Variants in ZBTB7C observed in about 807,000 individuals in gnomAD.
ZBTB7C encodes the protein zinc finger and BTB domain containing 7C.
A neutral mutation model predicts 25.7 loss-of-function variants in ZBTB7C; 8 were observed. The observed-to-expected ratio is 0.31, with a 90% CI of 0.18 to 0.56. The LOEUF (loss-of-function observed/expected upper bound fraction) is 0.56. Ranked by LOEUF, ZBTB7C falls within the 20% of genes least tolerant of loss-of-function variation. The pLI is 0.91. For missense variants in ZBTB7C, 824 were observed against 855.2 expected (o/e 0.96, Z 0.46); for synonymous variants, 394 against 369.0 (o/e 1.07, Z -0.78).
chr18:48,097,382 G>GTTGTTATTATTATTATTATTA (rs10651143), intron 3 of ZBTB7C, among the ~76,000 whole-genome samples: 64 of 144,974 alleles, frequency 4.4e-4, no homozygotes, highest in East Asian at 1.0e-3. Context: ...TATTGTTGTT[G>GTTGTTATTATTATTATTATTA]TTATTATTAT....
chr18:48,272,876 T>C (rs894282804), intron 2 of ZBTB7C, among the ~76,000 whole-genome samples: 1 of 152,196 alleles, frequency 6.6e-6, no homozygotes, highest in African/African-American at 2.4e-5. Flanking sequence ...GAAAACATTA[T>C]GCTAAGTGAA....
intron 2 of ZBTB7C, among the ~76,000 whole-genome samples, chr18:48,239,537 C>A (rs919780114): frequency 1.3e-5 from 2 of 152,184 alleles, no homozygotes; most frequent in African/African-American, 4.8e-5. Flanking sequence ...ATGAATCACA[C>A]CACAGGACTC....
chr18:48,350,126 C>A (rs2046831135), intron 1 of ZBTB7C, among the ~76,000 whole-genome samples: 1 of 152,194 alleles, frequency 6.6e-6, no homozygotes, highest in South Asian at 2.1e-4. Flanking sequence ...ACTGCTGTAA[C>A]AAATGGCCAC....
intron 4 of ZBTB7C, among the ~76,000 whole-genome samples, chr18:48,039,462 G>A (rs1285073216): frequency 6.6e-6 from 1 of 152,184 alleles, no homozygotes. Context: ...TGCCGAGGAC[G>A]GCCCCTGGCA....
chr18:48,169,642 A>G (rs2041396816), intron 3 of ZBTB7C: 1 of 152,320 alleles, frequency 6.6e-6, no homozygotes, highest in Non-Finnish European at 1.5e-5. Context: ...TATCAAGGGC[A>G]AATGGTGAGG....
chr18:48,389,385 A>AG (rs2047843856), intron 1 of ZBTB7C, among the ~76,000 whole-genome samples: 1 of 139,208 alleles, frequency 7.2e-6, no homozygotes, highest in Non-Finnish European at 1.6e-5. Context: ...AAAAAAAAAA[A>AG]GTGGATTCAA....
intron 3 of ZBTB7C, among the ~76,000 whole-genome samples, chr18:48,061,837 T>C (rs1231861445): frequency 6.6e-6 from 1 of 152,160 alleles, no homozygotes; most frequent in African/African-American, 2.4e-5. Flanking sequence ...GTATAATGTT[T>C]GTTGAGTGAC....
chr18:48,089,867 C>T (rs755935017), intron 3 of ZBTB7C, among the ~76,000 whole-genome samples: 23 of 152,230 alleles, frequency 1.5e-4, no homozygotes, highest in Non-Finnish European at 2.9e-4. Flanking sequence ...TCAGGCCTGG[C>T]TATGGTTTAA....
chr18:48,410,079 G>C (rs888819827), upstream of ZBTB7C, among the ~76,000 whole-genome samples: 2 of 149,540 alleles, frequency 1.3e-5, no homozygotes, highest in South Asian at 4.1e-4. Context: ...GAGTCCGATG[G>C]GGGAGGAAAT....
intron 3 of ZBTB7C, among the ~76,000 whole-genome samples, chr18:48,069,395 C>T (rs190440296): frequency 8.5e-5 from 13 of 152,306 alleles, no homozygotes; most frequent in East Asian, 1.9e-4. Flanking sequence ...TGTTCCTGAC[C>T]GGATTTACAG....
chr18:48,340,676 T>G (rs2046579250), intron 1 of ZBTB7C, among the ~76,000 whole-genome samples: 1 of 152,194 alleles, frequency 6.6e-6, no homozygotes, highest in South Asian at 2.1e-4. Context: ...GGATAGGAGC[T>G]CTTCCAAGCT....
At chr18:48,279,582 C>T (rs548750821) in intron 2 of ZBTB7C, among the ~76,000 whole-genome samples, 6 of 152,336 alleles carry the variant, frequency 3.9e-5, no homozygotes, top group East Asian at 1.9e-4. Context: ...TTAGCACAGC[C>T]TGCCTTTTGC....
At chr18:48,107,283 A>G (rs2039066818) in intron 3 of ZBTB7C, among the ~76,000 whole-genome samples, 1 of 150,652 alleles carries the variant, frequency 6.6e-6, no homozygotes, top group Non-Finnish European at 1.5e-5. Context: ...GCAGGGGTAG[A>G]GGAAGATTGA....
rs369317786 is a variant in ZBTB7C at position 48,318,318 on chromosome 18, C to T, written c.-79+19856G>A. Among the ~76,000 whole-genome samples the T allele has an allele frequency of 2.7e-3, 408 of 152,350 alleles. 3 individuals carry two copies. The highest frequency in any genetic ancestry group is 9.2e-3 in the African/African-American group (384 of 41,588). On this transcript the variant is annotated intron_variant, in intron 2 of 4. Coordinates refer to ENST00000590800, the MANE Select transcript of ZBTB7C (RefSeq NM_001318841.2). ...AGGACTGGTTGGGAACCAACCCCCC[C>T]TCACAAGTCCTCCCCTGCCCCCATC...
At chr18:48,148,801 C>A (rs1016786323) in intron 3 of ZBTB7C, 1 of 152,190 alleles carries the variant, frequency 6.6e-6, no homozygotes, top group Non-Finnish European at 1.5e-5. Flanking sequence ...ATTCTTGCTG[C>A]ACTTATGTAA....
intron 3 of ZBTB7C, among the ~76,000 whole-genome samples, chr18:48,133,230 A>G (rs1037493746): frequency 2.0e-5 from 3 of 152,176 alleles, no homozygotes; most frequent in African/African-American, 7.2e-5. Context: ...CCTCCTTCTC[A>G]CTAGCTGGCC....
chr18:48,066,342 C>T (rs994746155), intron 3 of ZBTB7C, among the ~76,000 whole-genome samples: 1 of 152,230 alleles, frequency 6.6e-6, no homozygotes, highest in Non-Finnish European at 1.5e-5. Context: ...GTGGGTGCTG[C>T]CAAGCCCTGG....
chr18:48,133,182 G>A (rs946810161), intron 3 of ZBTB7C, among the ~76,000 whole-genome samples: 1 of 152,200 alleles, frequency 6.6e-6, no homozygotes, highest in Non-Finnish European at 1.5e-5. Context: ...CACAAGCCAA[G>A]CTACCATTGT....
intron 3 of ZBTB7C, among the ~76,000 whole-genome samples, chr18:48,092,486 G>C (rs898628439): frequency 6.6e-6 from 1 of 152,198 alleles, no homozygotes. Flanking sequence ...TATACTCAAA[G>C]GTGAATCACT....
Sources: allele counts gnomAD v4.1 joint callset (sites outside exome capture counted in the v4.1 genomes callset), GRCh38; gene constraint gnomAD v4.1.1; transcripts MANE v1.5; gene names NCBI Gene and HGNC (gene_info 2026-07-23, HGNC 2026-07-21).